Variants in ACER3 observed in about 807,000 individuals in gnomAD.
ACER3 encodes the protein alkCDase 3.
ACER3 carries 16 observed loss-of-function variants against 48.9 expected under a neutral mutation model. The ratio of observed to expected loss-of-function variants is 0.33; its 90% CI spans 0.22 to 0.50. The LOEUF is 0.50. Among genes scored for constraint, ACER3 ranks in the 20% least tolerant of loss-of-function variants. ACER3 has a pLI of 0.98. For synonymous variants in ACER3, 109 were observed against 107.8 expected (o/e 1.01, Z -0.07); for missense variants, 227 against 326.0 (o/e 0.70, Z 2.34).
At chr11:77,005,980 T>TAATATACATATATATATTATATATATAC (rs1207813897) in intron 7 of ACER3, among the ~76,000 whole-genome samples, 2 of 39,848 alleles carry the variant, frequency 5.0e-5, no homozygotes, top group South Asian at 1.5e-3. Flanking sequence ...TACATATATA[T>TAATATACATATATATATTATATATATAC]ATATATATAT....
intron 2 of ACER3, among the ~76,000 whole-genome samples, chr11:76,934,962 A>G (rs368088724): frequency 5.9e-5 from 9 of 152,328 alleles, no homozygotes; most frequent in African/African-American, 7.2e-5. Flanking sequence ...ATGTAATACA[A>G]TACTCCTAAC....
At position 76,882,016 on chromosome 11, in the gene ACER3, T is replaced by C. The variant is rs943782884; in HGVS notation, c.103+20937T>C. 8.7e-5 allele frequency among the ~76,000 whole-genome samples: 13 copies of C among 149,834 alleles called. No individual in the cohort carries two copies. The East Asian group carries it at 2.5e-3, about 29-fold the overall frequency. On this transcript the variant is annotated intron_variant, in intron 1 of 10. Transcript: ENST00000532485. ...TTTGTAAAAAATCTTTTTTTTTTTT[T>C]TTTTTTGAGATGGAGTCTCGCTCTG...
At chr11:76,975,284 C>T (rs1948412170) in intron 3 of ACER3, among the ~76,000 whole-genome samples, 2 of 152,074 alleles carry the variant, frequency 1.3e-5, no homozygotes, top group Non-Finnish European at 2.9e-5. Flanking sequence ...TAACACATTA[C>T]TTGGCACATA....
At chr11:77,003,431 A>G (rs1474174926) in intron 7 of ACER3, among the ~76,000 whole-genome samples, 1 of 152,180 alleles carries the variant, frequency 6.6e-6, no homozygotes, top group Non-Finnish European at 1.5e-5. Context: ...TAATATTGGT[A>G]ATGTGTTAGT....
In ACER3 at chr11:77,021,489, A is replaced by T. The variant is rs1230645066; in HGVS notation, c.*1162A>T. On this transcript the variant is annotated 3_prime_UTR_variant, in exon 11 of 11. Coordinates refer to ENST00000532485, the MANE Select transcript of ACER3 (RefSeq NM_018367.7). ...TGCATTTGAATGTATAACAAATTGC[A>T]TCACTTTTCACAAACTTAACACCTG... 6.6e-6 allele frequency: 1 copy of T among 152,204 alleles called. No homozygotes were observed. The highest frequency in any genetic ancestry group is 1.5e-5 in the Non-Finnish European group (1 of 68,036). 9.4% of individuals were successfully genotyped at this position (152,204 alleles called of 1,614,324 possible).
At chr11:76,879,290 T>G (rs2134566698) in intron 1 of ACER3, among the ~76,000 whole-genome samples, 1 of 152,330 alleles carries the variant, frequency 6.6e-6, no homozygotes. Context: ...TCAGATTTAT[T>G]GTCACATATG....
intron 2 of ACER3, chr11:76,957,373 C>A: frequency 5.9e-6 from 2 of 341,034 alleles, no homozygotes; most frequent in African/African-American, 2.2e-5. Context: ...GGATATTAAA[C>A]CTTTGATATA....
intron 1 of ACER3, among the ~76,000 whole-genome samples, chr11:76,909,381 A>C (rs535843319): frequency 3.7e-4 from 57 of 152,274 alleles, no homozygotes; most frequent in African/African-American, 1.3e-3. Context: ...CATCTGACAA[A>C]GGGCTAATAT....
At chr11:76,888,211 A>G (rs1216878874) in intron 1 of ACER3, among the ~76,000 whole-genome samples, 1 of 152,216 alleles carries the variant, frequency 6.6e-6, no homozygotes, top group Non-Finnish European at 1.5e-5. Flanking sequence ...AAACTGGTAT[A>G]AAGCTGTTGT....
chr11:77,018,279 T>C (rs1018801578), intron 9 of ACER3, among the ~76,000 whole-genome samples: 14 of 152,146 alleles, frequency 9.2e-5, no homozygotes, highest in African/African-American at 2.7e-4. Context: ...GTAATTGTTT[T>C]GAGGCACCAC....
At chr11:76,963,656 A>G (rs1470491816) in intron 3 of ACER3, among the ~76,000 whole-genome samples, 2 of 151,370 alleles carry the variant, frequency 1.3e-5, no homozygotes, top group East Asian at 1.9e-4. Context: ...TTACCAGCCC[A>G]AAGACTCTAA....
chr11:76,902,879 T>A (rs142079300), intron 1 of ACER3, among the ~76,000 whole-genome samples: 155 of 152,354 alleles, frequency 1.0e-3, no homozygotes, highest in African/African-American at 3.6e-3. Flanking sequence ...TTGCAGTATG[T>A]ACTAAGTTAA....
chr11:76,972,226 A>G (rs963164655), intron 3 of ACER3, among the ~76,000 whole-genome samples: 5 of 152,162 alleles, frequency 3.3e-5, no homozygotes, highest in Non-Finnish European at 7.4e-5. Flanking sequence ...CCCACCAGCA[A>G]CTTCTCCATA....
At chr11:77,010,284 G>A (rs1312947804) in intron 7 of ACER3, among the ~76,000 whole-genome samples, 1 of 151,790 alleles carries the variant, frequency 6.6e-6, no homozygotes, top group African/African-American at 2.4e-5. Context: ...GGAGCTTGAG[G>A]TTACAGTGAG....
chr11:76,918,931 T>C (rs1232304868), intron 1 of ACER3, among the ~76,000 whole-genome samples: 1 of 152,050 alleles, frequency 6.6e-6, no homozygotes, highest in Admixed American at 6.6e-5. Context: ...TCTGGGAATG[T>C]TTAACATTAT....
At chr11:77,016,643 T>A in intron 8 of ACER3, 32 bp from the exon 9 acceptor site, 2 of 1,207,988 alleles carry the variant, frequency 1.7e-6, no homozygotes, top group Non-Finnish European at 2.4e-6. Flanking sequence ...ATTTTAAAAA[T>A]TTAACGTGAT....
chr11:76,877,429 A>G (rs1334784111), intron 1 of ACER3, among the ~76,000 whole-genome samples: 1 of 152,170 alleles, frequency 6.6e-6, no homozygotes, highest in Non-Finnish European at 1.5e-5. Flanking sequence ...CAAAATGATA[A>G]GGAGAGATTC....
intron 3 of ACER3, among the ~76,000 whole-genome samples, chr11:76,968,281 G>C (rs1382187031): frequency 2.0e-5 from 3 of 150,270 alleles, no homozygotes; most frequent in African/African-American, 4.9e-5. Flanking sequence ...CACTGCTCAA[G>C]GAAATAAAAG....
At chr11:76,906,101 C>T (rs529036383) in intron 1 of ACER3, among the ~76,000 whole-genome samples, 12 of 152,322 alleles carry the variant, frequency 7.9e-5, no homozygotes, top group African/African-American at 2.4e-4. Flanking sequence ...TAAAGCTAAC[C>T]ATGGGAGGAA....
Sources: gnomAD v4.1 joint callset for allele counts (sites outside exome capture counted in the v4.1 genomes callset) on GRCh38, gnomAD v4.1.1 for gene constraint, MANE v1.5 for transcripts, NCBI Gene and HGNC (gene_info 2026-07-23, HGNC 2026-07-21) for gene names.